AGAP1: variants seen among roughly 807,000 people sequenced by gnomAD.
AGAP1 encodes arf-GAP with GTPase, ANK repeat and PH domain-containing protein 1.
Under a neutral mutation model 105.3 loss-of-function variants are expected in AGAP1, and 29 were observed. The observed-to-expected ratio is 0.28, with a 90% CI of 0.21 to 0.38. AGAP1 has a LOEUF of 0.38. Among genes scored for constraint, AGAP1 ranks in the 10% least tolerant of loss-of-function variants. The pLI is 1.00. For missense variants in AGAP1, 998 were observed against 1,165.1 expected, an observed-to-expected ratio of 0.86 and a Z score of 2.09; for synonymous variants, 509 against 485.9, an observed-to-expected ratio of 1.05 and a Z score of -0.63.
intron 1 of AGAP1, among the ~76,000 whole-genome samples, chr2:235,688,513 C>T (rs1225373555): frequency 6.6e-6 from 1 of 152,140 alleles, no homozygotes; most frequent in African/African-American, 2.4e-5. Flanking sequence ...CTTTAGTATG[C>T]CCTGCAGATG....
At chr2:235,757,068 C>T (rs1372035526) in intron 6 of AGAP1, among the ~76,000 whole-genome samples, 2 of 152,226 alleles carry the variant, frequency 1.3e-5, no homozygotes, top group Non-Finnish European at 2.9e-5. Flanking sequence ...GTGCTCCCCA[C>T]CAAAACGTCA....
rs191044195 is a variant in AGAP1 at position 236,049,289 on chromosome 2, C to T, written c.2114+8C>T. On this transcript the variant is annotated splice_region_variant and intron_variant, in intron 16 of 17. Coordinates refer to ENST00000304032, the MANE Select transcript of AGAP1 (RefSeq NM_001037131.3). ...ATCGGTAGACTCCACAAGGTAGGAA[C>T]TTTGGAAGATGCCTGGCTCCCGACA... is the stretch of plus-strand genomic sequence containing the variant. The T allele has an allele frequency of 6.7e-4, 1,074 of 1,604,948 alleles. 4 individuals are homozygous for T. The highest frequency in any genetic ancestry group is 4.6e-4 in the Non-Finnish European group (535 of 1,172,474).
At chr2:235,763,499 C>T (rs1954641142) in intron 6 of AGAP1, among the ~76,000 whole-genome samples, 2 of 152,156 alleles carry the variant, frequency 1.3e-5, no homozygotes, top group African/African-American at 4.8e-5. Flanking sequence ...ATGAGTGCTT[C>T]CGTGCATGGT....
At chr2:235,541,591 G>C (rs1426134546) in intron 1 of AGAP1, among the ~76,000 whole-genome samples, 1 of 150,992 alleles carries the variant, frequency 6.6e-6, no homozygotes. Flanking sequence ...GGGTTTCACT[G>C]TGTTAGCCAG....
chr2:235,739,191 G>GTGTGGGGCAAGACTACACAGCTC lies in AGAP1; in HGVS notation c.311-1771_311-1770insGTGGGGCAAGACTACACAGCTCT. Among the ~76,000 whole-genome samples, 1 of 152,338 alleles carries GTGTGGGGCAAGACTACACAGCTC rather than the reference G, an allele frequency of 6.6e-6. No individual in the cohort carries two copies. Among genetic ancestry groups the GTGTGGGGCAAGACTACACAGCTC allele is most frequent in the South Asian group, 2.1e-4 (1 of 4,828 alleles). ...CGAGGTGGGGCAAGACTACACAGCT[G>GTGTGGGGCAAGACTACACAGCTC]TATGTGGCAGAGCCAGGGTTCAGGC... On this transcript the variant is annotated intron_variant, in intron 3 of 17. Transcript: ENST00000304032. The surrounding 1 kb of genome is among the most constrained non-coding windows in gnomAD (Gnocchi z 5.3).
At position 235,839,685 on chromosome 2, in the gene AGAP1, G is replaced by A. The variant is rs569218349; in HGVS notation, c.1050+32354G>A. Among the ~76,000 whole-genome samples, 171 of 152,316 alleles carry A rather than the reference G, an allele frequency of 1.1e-3. 1 individual carries two copies. Among genetic ancestry groups the A allele is most frequent in the African/African-American group, 3.8e-3 (160 of 41,570 alleles). On this transcript the variant is annotated intron_variant, in intron 9 of 17. Coordinates refer to ENST00000304032, the MANE Select transcript of AGAP1 (RefSeq NM_001037131.3). ...TGTTGAGAATCCATTTTCCCAGCGA[G>A]TTCGTTTCCACCCCCTTAAGAACAA...
chr2:236,035,313 ATGT>A lies in AGAP1; in HGVS notation c.1646-1244_1646-1242del, dbSNP rs1190646508. ...GCCCGGAAACATTGAGTCAAATGAG[ATGT>A]TGTGTCTGAAAACCTAGTTGAAGAT... On this transcript the variant is annotated intron_variant, in intron 13 of 17. Transcript: ENST00000304032. This position sits in a 1 kb window ranked among gnomAD's most constrained non-coding sequence, Gnocchi z 4.2. Among the ~76,000 whole-genome samples the A allele has an allele frequency of 2.0e-5, 3 of 152,146 alleles. No individual in the cohort carries two copies. The highest frequency in any genetic ancestry group is 4.4e-5 in the Non-Finnish European group (3 of 68,016).
chr2:236,013,369 G>A (rs1309369820), intron 13 of AGAP1, among the ~76,000 whole-genome samples: 1 of 152,146 alleles, frequency 6.6e-6, no homozygotes, highest in African/African-American at 2.4e-5. Flanking sequence ...TGGTGCACAC[G>A]CCGAACCTAC....
intron 9 of AGAP1, among the ~76,000 whole-genome samples, chr2:235,811,214 G>GGC (rs1226981471): frequency 6.6e-6 from 1 of 152,094 alleles, no homozygotes; most frequent in Admixed American, 6.5e-5. Flanking sequence ...CATACGCCTT[G>GGC]GCCTCCTCCG....
intron 13 of AGAP1, among the ~76,000 whole-genome samples, chr2:236,013,844 AC>A: frequency 6.6e-6 from 1 of 152,242 alleles, no homozygotes; most frequent in African/African-American, 2.4e-5. Flanking sequence ...GAGTTGAGCC[AC>A]CCTGTTTAAC....
chr2:235,878,331 G>C (rs762798392), intron 9 of AGAP1, among the ~76,000 whole-genome samples: 10 of 152,190 alleles, frequency 6.6e-5, no homozygotes, highest in Admixed American at 2.0e-4. Context: ...CACAAGTCCA[G>C]TGTTTCTCCT....
chr2:235,985,235 G>C (rs1013753047), intron 13 of AGAP1, among the ~76,000 whole-genome samples: 16 of 152,226 alleles, frequency 1.1e-4, no homozygotes, highest in Non-Finnish European at 2.1e-4. Flanking sequence ...ATGTTTATTG[G>C]CTGCATAAAT....
intron 1 of AGAP1, chr2:235,670,179 C>CT: frequency 1.7e-6 from 1 of 583,996 alleles, no homozygotes; most frequent in Non-Finnish European, 3.1e-6. Context: ...CCCAGAAAGA[C>CT]TGTCTACCGC....
chr2:236,070,318 T>C (rs916264420), intron 16 of AGAP1, among the ~76,000 whole-genome samples: 1 of 152,224 alleles, frequency 6.6e-6, no homozygotes, highest in Non-Finnish European at 1.5e-5. Context: ...AAGAGCAGCA[T>C]TGAAATCCTC....
intron 12 of AGAP1, among the ~76,000 whole-genome samples, chr2:235,955,144 AG>A: frequency 6.6e-6 from 1 of 152,316 alleles, no homozygotes; most frequent in Non-Finnish European, 1.5e-5. Flanking sequence ...TGACATGCCC[AG>A]GGTCACGTGG....
intron 6 of AGAP1, chr2:235,774,278 G>A (rs1009869105): frequency 2.2e-6 from 1 of 451,410 alleles, no homozygotes; most frequent in Non-Finnish European, 4.5e-6. Flanking sequence ...CCTATCCACA[G>A]CCATCAGAGG....
chr2:236,039,749 A>C (rs1265994857), intron 14 of AGAP1, among the ~76,000 whole-genome samples: 1 of 152,204 alleles, frequency 6.6e-6, no homozygotes, highest in African/African-American at 2.4e-5. Context: ...CTATGCAGCA[A>C]TATGTATTAC....
intron 12 of AGAP1, among the ~76,000 whole-genome samples, chr2:235,943,030 T>G (rs982174595): frequency 4.6e-5 from 7 of 152,192 alleles, no homozygotes; most frequent in African/African-American, 1.7e-4. Flanking sequence ...ATGTGCTGCT[T>G]CTCCAACTGG....
chr2:235,943,584 A>C (rs1448406334), intron 12 of AGAP1, among the ~76,000 whole-genome samples: 2 of 152,136 alleles, frequency 1.3e-5, no homozygotes, highest in African/African-American at 4.8e-5. Flanking sequence ...TCCTGACCTA[A>C]GGTGATCCAC....
Sources: gnomAD v4.1 joint callset for allele counts (sites outside exome capture counted in the v4.1 genomes callset) on GRCh38, gnomAD v4.1.1 for gene constraint, Gnocchi (gnomAD v3.1) non-coding constraint, MANE v1.5 for transcripts, NCBI Gene and HGNC (gene_info 2026-07-23, HGNC 2026-07-21) for gene names.